The following RIMS2 variants were observed in gnomAD, a reference collection of about 807,000 sequenced individuals.
RIMS2 encodes regulating synaptic membrane exocytosis 2, also known as regulating synaptic membrane exocytosis protein 2.
A neutral mutation model predicts 174.4 loss-of-function variants in RIMS2; 59 were observed. The observed-to-expected ratio is 0.34, with a 90% confidence interval of 0.27 to 0.42. RIMS2 has a LOEUF of 0.42. Ranked by LOEUF, RIMS2 falls within the 10% of genes least tolerant of loss-of-function variation. The probability of loss-of-function intolerance (pLI) is 1.00; values close to 1 mark genes in which losing one functional copy is unlikely to be tolerated. For synonymous variants in RIMS2, 606 were observed against 572.5 expected (o/e 1.06, Z -0.84); for missense variants, 1,620 against 1,666.3 (o/e 0.97, Z 0.48).
chr8:104,033,778 A>G (rs1473424076), intron 19 of RIMS2, among the ~76,000 whole-genome samples: 2 of 152,076 alleles, frequency 1.3e-5, no homozygotes, highest in South Asian at 2.1e-4. Flanking sequence ...GTTTGTTTCT[A>G]AAAGGAAATT....
chr8:104,057,555 CTTTTA>C (rs545307626), intron 19 of RIMS2, among the ~76,000 whole-genome samples: 106 of 151,732 alleles, frequency 7.0e-4, no homozygotes, highest in African/African-American at 2.5e-3. Context: ...TCAGTTTCTT[CTTTTA>C]TTTTATTTTA....
At chr8:103,824,301 G>C (rs2098772634) in intron 3 of RIMS2, among the ~76,000 whole-genome samples, 1 of 152,024 alleles carries the variant, frequency 6.6e-6, no homozygotes, top group Admixed American at 6.6e-5. Context: ...ATAATTACTA[G>C]TAAACTTCTT....
chr8:103,627,871 C>A (rs951219335), intron 1 of RIMS2, among the ~76,000 whole-genome samples: 1 of 152,122 alleles, frequency 6.6e-6, no homozygotes. Context: ...TTAGATGAAG[C>A]ATACTTTGGG....
intron 19 of RIMS2, among the ~76,000 whole-genome samples, chr8:104,107,977 C>CCCA (rs1555232676): frequency 6.8e-6 from 1 of 148,052 alleles, no homozygotes; most frequent in African/African-American, 2.5e-5. Flanking sequence ...GCCCCCCCCC[C>CCCA]ACAATGGAAA....
chr8:103,626,246 G>A (rs536271720), intron 1 of RIMS2, among the ~76,000 whole-genome samples: 1 of 152,204 alleles, frequency 6.6e-6, no homozygotes, highest in South Asian at 2.1e-4. Flanking sequence ...TTCATAGATT[G>A]AAGATATTCA....
At chr8:104,217,232 T>G (rs1335839506) in intron 19 of RIMS2, among the ~76,000 whole-genome samples, 1 of 151,784 alleles carries the variant, frequency 6.6e-6, no homozygotes, top group South Asian at 2.1e-4. Flanking sequence ...ACTAATCATT[T>G]AATCTTTCTT....
intron 1 of RIMS2, among the ~76,000 whole-genome samples, chr8:103,600,963 T>A (rs1255987289): frequency 6.6e-6 from 1 of 152,246 alleles, no homozygotes; most frequent in Admixed American, 6.5e-5. Context: ...GAATCAGTGA[T>A]GTTGAGCACC....
intron 17 of RIMS2, among the ~76,000 whole-genome samples, chr8:104,006,695 A>G (rs1249598951): frequency 6.9e-6 from 1 of 145,074 alleles, no homozygotes; most frequent in African/African-American, 2.6e-5. Context: ...TACTTAGGTC[A>G]GATATCTCAA....
chr8:104,136,527 G>T (rs1372367362), intron 19 of RIMS2, among the ~76,000 whole-genome samples: 2 of 152,116 alleles, frequency 1.3e-5, no homozygotes, highest in African/African-American at 4.8e-5. Flanking sequence ...TAATAAATCA[G>T]TCTCTTCATA....
intron 16 of RIMS2, among the ~76,000 whole-genome samples, chr8:103,986,721 C>T (rs2094386657): frequency 6.6e-6 from 1 of 151,398 alleles, no homozygotes; most frequent in Non-Finnish European, 1.5e-5. Context: ...AAATACAAAA[C>T]AATTAACCAG....
intron 1 of RIMS2, among the ~76,000 whole-genome samples, chr8:103,603,526 C>G (rs1431884531): frequency 6.6e-6 from 1 of 152,122 alleles, no homozygotes; most frequent in African/African-American, 2.4e-5. Context: ...AATGGGATGG[C>G]TGGGTCAAGT....
intron 3 of RIMS2, among the ~76,000 whole-genome samples, chr8:103,785,795 A>AGG (rs1391089032): frequency 6.6e-6 from 1 of 152,238 alleles, no homozygotes; most frequent in Non-Finnish European, 1.5e-5. Context: ...AAAAAGAGTT[A>AGG]GGGAGGATTC....
intron 19 of RIMS2, among the ~76,000 whole-genome samples, chr8:104,182,658 C>T (rs928182327): frequency 3.3e-5 from 5 of 151,802 alleles, no homozygotes; most frequent in Non-Finnish European, 5.9e-5. Context: ...CTTTGACTGG[C>T]TTCTTTCGCT....
At chr8:104,143,430 A>G (rs914618064) in intron 19 of RIMS2, among the ~76,000 whole-genome samples, 1 of 152,188 alleles carries the variant, frequency 6.6e-6, no homozygotes, top group Non-Finnish European at 1.5e-5. Flanking sequence ...AAGAAACGGC[A>G]CTTTAAAACC....
chr8:103,600,246 T>C (rs1431765993), intron 1 of RIMS2, among the ~76,000 whole-genome samples: 1 of 151,708 alleles, frequency 6.6e-6, no homozygotes, highest in Non-Finnish European at 1.5e-5. Flanking sequence ...CTCCATTGTG[T>C]ATAAATGCTA....
At chr8:103,903,534 T>C (rs758443521) in intron 4 of RIMS2, among the ~76,000 whole-genome samples, 18 of 152,306 alleles carry the variant, frequency 1.2e-4, no homozygotes, top group Non-Finnish European at 2.2e-4. Context: ...AGAACACACA[T>C]ACACACATAA....
At chr8:103,554,123 C>T (rs1014119692) in intron 1 of RIMS2, among the ~76,000 whole-genome samples, 2 of 152,096 alleles carry the variant, frequency 1.3e-5, no homozygotes, top group Non-Finnish European at 2.9e-5. Context: ...AAATACCATT[C>T]TGGACATAGG....
intron 1 of RIMS2, among the ~76,000 whole-genome samples, chr8:103,517,654 G>A (rs1028840513): frequency 1.3e-5 from 2 of 152,136 alleles, no homozygotes; most frequent in East Asian, 1.9e-4. Context: ...GTCCTTGGAA[G>A]GCATGTACTG....
intron 2 of RIMS2, among the ~76,000 whole-genome samples, chr8:103,718,883 G>A (rs761091316): frequency 3.3e-5 from 5 of 152,082 alleles, no homozygotes; most frequent in Middle Eastern, 3.2e-3. Context: ...ATGTTGGCCC[G>A]GCTGATCTCA....
Sources: gnomAD v4.1 joint callset for allele counts (sites outside exome capture counted in the v4.1 genomes callset) on GRCh38, gnomAD v4.1.1 for gene constraint, MANE v1.5 for transcripts, NCBI Gene and HGNC (gene_info 2026-07-23, HGNC 2026-07-21) for gene names.